Variants in CDKAL1 observed in about 807,000 individuals in gnomAD.
The protein encoded by CDKAL1 is threonylcarbamoyladenosine tRNA methylthiotransferase.
Under a neutral mutation model 68.2 loss-of-function variants are expected in CDKAL1, and 32 were observed. That is an observed-to-expected ratio of 0.47 (90% CI 0.35 to 0.63). The LOEUF (loss-of-function observed/expected upper bound fraction) is 0.63. Among genes scored for constraint, CDKAL1 ranks in the 30% least tolerant of loss-of-function variants. The pLI, the probability that CDKAL1 is intolerant of heterozygous loss-of-function variation, is 0.00. For synonymous variants in CDKAL1, 234 were observed against 244.3 expected, an observed-to-expected ratio of 0.96 and a Z score of 0.39; for missense variants, 606 against 696.7, an observed-to-expected ratio of 0.87 and a Z score of 1.47.
intron 4 of CDKAL1, among the ~76,000 whole-genome samples, chr6:20,563,534 A>G (rs1474942267): frequency 6.6e-6 from 1 of 151,936 alleles, no homozygotes; most frequent in African/African-American, 2.4e-5. Flanking sequence ...TTTTATAGAG[A>G]TGGTGTCTCA....
At chr6:20,664,243 C>T (rs1173433806) in intron 5 of CDKAL1, among the ~76,000 whole-genome samples, 2 of 152,036 alleles carry the variant, frequency 1.3e-5, no homozygotes, top group East Asian at 1.9e-4. Flanking sequence ...CATGTGTGCT[C>T]GCACGCTCAA....
intron 8 of CDKAL1, among the ~76,000 whole-genome samples, chr6:20,816,416 T>C (rs1777050524): frequency 6.6e-6 from 1 of 152,154 alleles, no homozygotes; most frequent in African/African-American, 2.4e-5. Context: ...GTATCAGCAT[T>C]GCAATGTGCT....
intron 13 of CDKAL1, among the ~76,000 whole-genome samples, chr6:21,181,704 A>T (rs909345067): frequency 6.6e-6 from 1 of 152,222 alleles, no homozygotes; most frequent in Non-Finnish European, 1.5e-5. Context: ...CAGTATTTTG[A>T]TATTAACAGG....
At chr6:21,159,119 A>ATTTTTG (rs1776783083) in intron 13 of CDKAL1, among the ~76,000 whole-genome samples, 2 of 115,872 alleles carry the variant, frequency 1.7e-5, no homozygotes, top group African/African-American at 6.3e-5. Context: ...TTTTTTTTTA[A>ATTTTTG]TTTTTTTAAT....
chr6:21,107,053 T>C (rs2150989962), intron 12 of CDKAL1, among the ~76,000 whole-genome samples: 1 of 150,200 alleles, frequency 6.7e-6, no homozygotes, highest in South Asian at 2.1e-4. Context: ...GTTCACGCCA[T>C]TCTCCTGCCT....
At chr6:20,622,522 C>T (rs1569660) in intron 4 of CDKAL1, among the ~76,000 whole-genome samples, 87,132 of 151,712 alleles carry the variant, frequency 0.57, 25,301 homozygotes, top group East Asian at 0.82. Context: ...TTTAGTTTTG[C>T]CTACTCTGCT....
At chr6:21,091,010 T>G (rs1015625481) in intron 12 of CDKAL1, among the ~76,000 whole-genome samples, 3 of 152,124 alleles carry the variant, frequency 2.0e-5, no homozygotes, top group Admixed American at 1.3e-4. Context: ...TTGCCCCAGC[T>G]GGTCTTAAAC....
intron 2 of CDKAL1, among the ~76,000 whole-genome samples, chr6:20,535,877 T>A (rs759725342): frequency 6.6e-6 from 1 of 152,186 alleles, no homozygotes; most frequent in Non-Finnish European, 1.5e-5. Context: ...GGTTTGGATT[T>A]CCATTTCCCT....
At chr6:21,050,331 C>T (rs1178108577) in intron 11 of CDKAL1, among the ~76,000 whole-genome samples, 5 of 152,220 alleles carry the variant, frequency 3.3e-5, no homozygotes, top group Admixed American at 2.0e-4. Context: ...CTGCCTGGGC[C>T]CCACTCAGCC....
intron 4 of CDKAL1, among the ~76,000 whole-genome samples, chr6:20,593,542 C>G (rs1188252689): frequency 6.7e-6 from 1 of 149,024 alleles, no homozygotes; most frequent in Non-Finnish European, 1.5e-5. Flanking sequence ...TTTATTGCGT[C>G]TATTCGATTC....
chr6:20,986,286 A>C (rs1581968345), intron 10 of CDKAL1, among the ~76,000 whole-genome samples: 1 of 152,168 alleles, frequency 6.6e-6, no homozygotes, highest in East Asian at 1.9e-4. Context: ...CATTTTTCTC[A>C]AACTCACTAG....
At chr6:21,042,023 T>C (rs981413870) in intron 11 of CDKAL1, among the ~76,000 whole-genome samples, 1 of 152,124 alleles carries the variant, frequency 6.6e-6, no homozygotes, top group Admixed American at 6.6e-5. Flanking sequence ...AAATAAAAAA[T>C]AGTCATCTAG....
intron 10 of CDKAL1, among the ~76,000 whole-genome samples, chr6:20,995,819 G>A (rs1004939354): frequency 2.1e-4 from 32 of 152,176 alleles, no homozygotes; most frequent in African/African-American, 7.5e-4. Context: ...AAGCTTTGAA[G>A]CATTGCTTCA....
At chr6:21,075,846 A>C (rs1772041778) in intron 12 of CDKAL1, among the ~76,000 whole-genome samples, 1 of 152,162 alleles carries the variant, frequency 6.6e-6, no homozygotes, top group African/African-American at 2.4e-5. Context: ...CTTTTTAGAA[A>C]ATATTGATGA....
chr6:20,616,839 C>CCCCACACA (rs1554164140), intron 4 of CDKAL1, among the ~76,000 whole-genome samples: 1 of 121,312 alleles, frequency 8.2e-6, no homozygotes, highest in African/African-American at 3.2e-5. Flanking sequence ...CCCGACTCTA[C>CCCCACACA]CACACACACA....
At chr6:20,766,361 T>C (rs1319085078) in intron 7 of CDKAL1, among the ~76,000 whole-genome samples, 1 of 152,126 alleles carries the variant, frequency 6.6e-6, no homozygotes, top group Non-Finnish European at 1.5e-5. Flanking sequence ...CATATTGTAG[T>C]TTTCACATAA....
At chr6:21,183,968 G>T (rs1272558811) in intron 13 of CDKAL1, among the ~76,000 whole-genome samples, 1 of 152,126 alleles carries the variant, frequency 6.6e-6, no homozygotes, top group Non-Finnish European at 1.5e-5. Context: ...AGCAGGGACT[G>T]GGGGTTGGAG....
At chr6:20,986,650 T>A (rs77695395) in intron 10 of CDKAL1, among the ~76,000 whole-genome samples, 4 of 149,040 alleles carry the variant, frequency 2.7e-5, no homozygotes, top group Non-Finnish European at 4.5e-5. Flanking sequence ...GTATATTTAA[T>A]AAAAAAAAAA....
intron 6 of CDKAL1, among the ~76,000 whole-genome samples, chr6:20,739,953 C>T (rs553546153): frequency 1.9e-4 from 29 of 152,306 alleles, no homozygotes; most frequent in African/African-American, 6.0e-4. Flanking sequence ...ACTTGCTTTT[C>T]GCCCCCTAGT....
Sources: gnomAD v4.1 joint callset for allele counts (sites outside exome capture counted in the v4.1 genomes callset) on GRCh38, gnomAD v4.1.1 for gene constraint, MANE v1.5 for transcripts, NCBI Gene and HGNC (gene_info 2026-07-23, HGNC 2026-07-21) for gene names.